The following GHR variants were observed in gnomAD, a reference collection of about 807,000 sequenced individuals.
GHR encodes the protein GH receptor.
In GHR, 35 loss-of-function variants were observed where a neutral mutation model predicts 67.1. The ratio of observed to expected loss-of-function variants is 0.52; its 90% CI spans 0.40 to 0.69. GHR has a LOEUF of 0.69. GHR is among the 30% of genes least tolerant of loss of function. GHR has a pLI of 0.00. For missense variants in GHR, 792 were observed against 764.6 expected (o/e 1.04, Z -0.42); for synonymous variants, 272 against 269.1 (o/e 1.01, Z -0.10).
At chr5:42,475,585 T>A (rs1344876084) in intron 1 of GHR, among the ~76,000 whole-genome samples, 2 of 146,470 alleles carry the variant, frequency 1.4e-5, no homozygotes, top group Non-Finnish European at 3.0e-5. Flanking sequence ...TTTGTAATTA[T>A]GTATTTTTTT....
chr5:42,499,776 C>CT (rs1460277517), intron 1 of GHR, among the ~76,000 whole-genome samples: 1 of 152,044 alleles, frequency 6.6e-6, no homozygotes. Context: ...ATGACTGAAT[C>CT]TTTTTTTGAG....
chr5:42,568,557 A>G (rs1750084083), intron 2 of GHR, among the ~76,000 whole-genome samples: 1 of 152,188 alleles, frequency 6.6e-6, no homozygotes, highest in Non-Finnish European at 1.5e-5. Flanking sequence ...GATCTAATGG[A>G]TATAAGTATT....
rs1743591418 is a variant in GHR at position 42,441,788 on chromosome 5, T to A, written c.-12+17833T>A. Among the ~76,000 whole-genome samples, 3 of 152,086 alleles carry A rather than the reference T, an allele frequency of 2.0e-5. No individual in the cohort carries two copies. In the South Asian group the frequency reaches 6.2e-4, roughly 32 times the overall value. ...CCTCCCAAAGTGCTGGGATTACAGG[T>A]GTGAGCCACCACTCCCAGCCAGGAG... On this transcript the variant is annotated intron_variant, in intron 1 of 9. Transcript: ENST00000230882.
At chr5:42,564,078 C>T (rs894753990) in intron 1 of GHR, among the ~76,000 whole-genome samples, 4 of 150,932 alleles carry the variant, frequency 2.7e-5, no homozygotes. Flanking sequence ...AACCACAACT[C>T]ATATTTATTT....
chr5:42,603,860 G>A (rs992720480), intron 2 of GHR, among the ~76,000 whole-genome samples: 2 of 152,078 alleles, frequency 1.3e-5, no homozygotes, highest in African/African-American at 2.4e-5. Context: ...CTCAGTCCCC[G>A]AGACTGTCTT....
At chr5:42,632,571 T>C (rs1299688693) in intron 3 of GHR, among the ~76,000 whole-genome samples, 1 of 152,254 alleles carries the variant, frequency 6.6e-6, no homozygotes, top group Non-Finnish European at 1.5e-5. Flanking sequence ...TCTTAATCCA[T>C]GTGAATGTGC....
At chr5:42,555,409 G>T (rs1404525319) in intron 1 of GHR, among the ~76,000 whole-genome samples, 4 of 152,102 alleles carry the variant, frequency 2.6e-5, no homozygotes, top group Non-Finnish European at 5.9e-5. Flanking sequence ...ATATTACTCT[G>T]TCTTTTTCTT....
chr5:42,635,825 T>A (rs36109172), intron 3 of GHR, among the ~76,000 whole-genome samples: 32,462 of 152,074 alleles, frequency 0.21, 3,643 homozygotes, highest in Non-Finnish European at 0.23. Context: ...ACTGAGGTCT[T>A]CTATTTCTTT....
intron 3 of GHR, among the ~76,000 whole-genome samples, chr5:42,682,692 T>G (rs1756948805): frequency 6.6e-6 from 1 of 152,252 alleles, no homozygotes; most frequent in Non-Finnish European, 1.5e-5. Context: ...TCACACTCAC[T>G]GTGATACATT....
chr5:42,581,687 C>CGCTGCTGTGAAGATGCCG (rs1216078602), intron 2 of GHR, among the ~76,000 whole-genome samples: 9 of 152,144 alleles, frequency 5.9e-5, no homozygotes, highest in Non-Finnish European at 1.0e-4. Flanking sequence ...CATCTGGAGC[C>CGCTGCTGTGAAGATGCCG]GCTGCTGTGA....
chr5:42,552,870 C>T (rs547355628), intron 1 of GHR, among the ~76,000 whole-genome samples: 1 of 152,090 alleles, frequency 6.6e-6, no homozygotes, highest in South Asian at 2.1e-4. Flanking sequence ...TTTTTTTGGT[C>T]CCAGGTAGTT....
At chr5:42,572,932 T>TA (rs1269359605) in intron 2 of GHR, among the ~76,000 whole-genome samples, 1 of 152,218 alleles carries the variant, frequency 6.6e-6, no homozygotes, top group African/African-American at 2.4e-5. Context: ...AATGAAGTTA[T>TA]AATGACATCT....
At chr5:42,507,466 T>A (rs1740248215) in intron 1 of GHR, among the ~76,000 whole-genome samples, 1 of 152,240 alleles carries the variant, frequency 6.6e-6, no homozygotes, top group Non-Finnish European at 1.5e-5. Context: ...TTCCTTCCTC[T>A]GGTGTTCACT....
At chr5:42,468,759 G>A (rs1744858341) in intron 1 of GHR, 1 of 1,063,442 alleles carries the variant, frequency 9.4e-7, no homozygotes. Context: ...CTTTTTTCTT[G>A]TTCTCTCCTG....
At chr5:42,520,642 T>A (rs1377239449) in intron 1 of GHR, among the ~76,000 whole-genome samples, 5 of 152,162 alleles carry the variant, frequency 3.3e-5, no homozygotes, top group Non-Finnish European at 5.9e-5. Context: ...AATGGGTACT[T>A]TTTTTGTCCC....
At chr5:42,468,853 A>G in intron 1 of GHR, 2 of 944,548 alleles carry the variant, frequency 2.1e-6, no homozygotes, top group Non-Finnish European at 3.2e-6. Context: ...GCCTTCCTGT[A>G]ACTGCCCAGG....
rs781185088 is a variant in GHR at position 42,629,048 on chromosome 5, T to C, written c.81T>C (p.Ala27=). The C allele has an allele frequency of 2.9e-6, 4 of 1,397,582 alleles. No individual in the cohort carries two copies. In the South Asian group the frequency reaches 3.6e-5, roughly 13 times the overall value. 86.6% of individuals were successfully genotyped at this position (1,397,582 alleles called of 1,614,324 possible). ...CTCTTTCTGTTTCAGCCACAGCAGC[T>C]ATCCTTAGCAGAGCACCCTGGAGTC... ...DAFSGSEATA[A]ILSRAPWSLQ... Residue 27 remains alanine (A), a synonymous_variant, in exon 3 of 10, where the codon GCT becomes GCC. Transcript: ENST00000230882.
rs184385087 is a variant in GHR, at chr5:42,609,928, A to G, written c.71-19110A>G. On this transcript the variant is annotated intron_variant, in intron 2 of 9. Transcript: ENST00000230882. The stretch of plus-strand genomic sequence containing the variant: ...AAACCTTAAAGGATAAATTGGCCTT[A>G]GTGACTGTCACTAAAATGTAAACAT... Among the ~76,000 whole-genome samples, 264 of 152,336 alleles carry G rather than the reference A, an allele frequency of 1.7e-3. 1 individual carries two copies. The highest frequency in any genetic ancestry group is 6.1e-3 in the African/African-American group (255 of 41,582).
intron 1 of GHR, among the ~76,000 whole-genome samples, chr5:42,446,357 C>G (rs1188484023): frequency 1.3e-5 from 2 of 152,120 alleles, no homozygotes; most frequent in East Asian, 1.9e-4. Flanking sequence ...AACAGTATAG[C>G]CCATAACCGT....
Sources: allele counts gnomAD v4.1 joint callset (sites outside exome capture counted in the v4.1 genomes callset), GRCh38; gene constraint gnomAD v4.1.1; transcripts MANE v1.5; gene names NCBI Gene and HGNC (gene_info 2026-07-23, HGNC 2026-07-21).